The following CDH13 variants were observed in gnomAD, a reference collection of about 807,000 sequenced individuals.
CDH13 encodes cadherin 13.
Under a neutral mutation model 63.8 loss-of-function variants are expected in CDH13, and 24 were observed. The observed-to-expected ratio is 0.38, with a 90% CI of 0.27 to 0.53. The LOEUF is 0.53. Among genes scored for constraint, CDH13 ranks in the 20% least tolerant of loss-of-function variants. The pLI is 0.85. For synonymous variants in CDH13, 503 were observed against 355.3 expected (o/e 1.42, Z -4.67); for missense variants, 1,049 against 903.1 (o/e 1.16, Z -2.07).
chr16:82,948,684 G>C (rs1312622166), intron 2 of CDH13, among the ~76,000 whole-genome samples: 1 of 152,112 alleles, frequency 6.6e-6, no homozygotes, highest in Non-Finnish European at 1.5e-5. Context: ...CTTTCAAAAT[G>C]TTGTCTAGAA....
intron 11 of CDH13, among the ~76,000 whole-genome samples, chr16:83,756,937 C>T (rs1383995381): frequency 6.6e-6 from 1 of 152,212 alleles, no homozygotes; most frequent in African/African-American, 2.4e-5. Flanking sequence ...ATTTCATCAA[C>T]TAACATATAT....
chr16:83,486,717 A>T, intron 7 of CDH13, 62 bp downstream of exon 7: 1 of 1,481,912 alleles, frequency 6.7e-7, no homozygotes, highest in Non-Finnish European at 9.4e-7. Flanking sequence ...CATGCAAGGG[A>T]TGATGTGGGG....
intron 2 of CDH13, among the ~76,000 whole-genome samples, chr16:83,005,496 C>A (rs1392110755): frequency 1.3e-5 from 2 of 152,208 alleles, no homozygotes; most frequent in South Asian, 4.1e-4. Context: ...CACCAACAAC[C>A]TCAGGCCTTC....
At chr16:83,406,794 T>C (rs1397416960) in intron 6 of CDH13, among the ~76,000 whole-genome samples, 1 of 152,202 alleles carries the variant, frequency 6.6e-6, no homozygotes, top group Non-Finnish European at 1.5e-5. Context: ...CTGAGGATTC[T>C]GTAACAAGCC....
chr16:83,726,044 C>G (rs1910344742), intron 10 of CDH13: 2 of 152,190 alleles, frequency 1.3e-5, no homozygotes, highest in South Asian at 4.1e-4. Context: ...TAATGATTGT[C>G]TTTTCACTTT....
intron 1 of CDH13, among the ~76,000 whole-genome samples, chr16:82,765,485 G>T (rs8054331): frequency 6.6e-6 from 1 of 152,014 alleles, no homozygotes; most frequent in Admixed American, 6.6e-5. Context: ...CTGAAAATCC[G>T]CTGACAGCTC....
chr16:83,552,526 G>A (rs140318869), intron 7 of CDH13, among the ~76,000 whole-genome samples: 15 of 152,222 alleles, frequency 9.9e-5, no homozygotes, highest in East Asian at 3.9e-4. Context: ...TGTTGATACC[G>A]CAGAATATAG....
At chr16:82,638,699 A>C (rs1908993961) in intron 1 of CDH13, among the ~76,000 whole-genome samples, 2 of 152,118 alleles carry the variant, frequency 1.3e-5, no homozygotes, top group Non-Finnish European at 2.9e-5. Flanking sequence ...CCATATTAGT[A>C]GGTCCCCCAA....
At position 83,798,049 on chromosome 16, in the gene CDH13, G is replaced by A. The variant is rs375021827; in HGVS notation, c.*3019G>A. 1.3e-5 allele frequency: 2 copies of A among 152,312 alleles called. No homozygotes were observed. The highest frequency in any genetic ancestry group is 4.8e-5 in the African/African-American group (2 of 41,568). 9.4% of individuals were successfully genotyped at this position (152,312 alleles called of 1,614,324 possible). A position where few individuals can be genotyped will look rare whatever the true frequency, so the allele number is the denominator to read the frequency against. On this transcript the variant is annotated 3_prime_UTR_variant, in exon 14 of 14. Transcript: ENST00000567109. ...CATTATAACGAAATAAATCCAGCCA[G>A]ATTTCATGGTAGGTATCAAATAAGA...
At chr16:83,015,390 T>G (rs943078368) in intron 2 of CDH13, among the ~76,000 whole-genome samples, 1 of 151,760 alleles carries the variant, frequency 6.6e-6, no homozygotes, top group Non-Finnish European at 1.5e-5. Flanking sequence ...GTTCCTTGGT[T>G]ATTTTGAAAA....
intron 6 of CDH13, among the ~76,000 whole-genome samples, chr16:83,435,396 A>C (rs1208559895): frequency 6.6e-6 from 1 of 152,076 alleles, no homozygotes; most frequent in African/African-American, 2.4e-5. Context: ...TTTTCCAAAC[A>C]CTGCAATCGT....
intron 5 of CDH13, among the ~76,000 whole-genome samples, chr16:83,272,768 G>A (rs1004548742): frequency 6.6e-6 from 1 of 152,178 alleles, no homozygotes; most frequent in African/African-American, 2.4e-5. Flanking sequence ...TGGAGGAAAG[G>A]CAGAGCTGTG....
At chr16:82,710,552 A>AAAAAATATATAT (rs60196638) in intron 1 of CDH13, among the ~76,000 whole-genome samples, 4 of 63,768 alleles carry the variant, frequency 6.3e-5, no homozygotes, top group Admixed American at 2.7e-4. Context: ...AAAAAAAAAA[A>AAAAAATATATAT]ATATATATAT....
intron 6 of CDH13, among the ~76,000 whole-genome samples, chr16:83,485,735 T>C (rs1396974799): frequency 1.3e-5 from 2 of 152,188 alleles, no homozygotes; most frequent in African/African-American, 2.4e-5. Context: ...TTGTTTGTTA[T>C]ATATTTATCT....
At chr16:82,683,086 G>C (rs1362931165) in intron 1 of CDH13, among the ~76,000 whole-genome samples, 1 of 152,136 alleles carries the variant, frequency 6.6e-6, no homozygotes, top group Non-Finnish European at 1.5e-5. Context: ...TAAAACTAGG[G>C]GTTGTAATAG....
At chr16:82,970,150 C>G (rs536833115) in intron 2 of CDH13, among the ~76,000 whole-genome samples, 20 of 152,000 alleles carry the variant, frequency 1.3e-4, no homozygotes, top group Admixed American at 1.2e-3. Context: ...TATCGTTCAC[C>G]TCCCACTCAG....
At chr16:82,793,109 G>T (rs16958669) in intron 1 of CDH13, among the ~76,000 whole-genome samples, 2 of 152,206 alleles carry the variant, frequency 1.3e-5, no homozygotes, top group Admixed American at 1.3e-4. Flanking sequence ...CATTTCAGGG[G>T]CGACTAAACA....
intron 4 of CDH13, among the ~76,000 whole-genome samples, chr16:83,210,915 C>G (rs142013607): frequency 6.6e-6 from 1 of 151,154 alleles, no homozygotes; most frequent in South Asian, 2.1e-4. Flanking sequence ...TTTGGGAGGC[C>G]GAGGCAGGCA....
intron 10 of CDH13, among the ~76,000 whole-genome samples, chr16:83,737,018 C>G (rs1447257276): frequency 6.6e-6 from 1 of 152,124 alleles, no homozygotes; most frequent in African/African-American, 2.4e-5. Flanking sequence ...GTGGGGCTCA[C>G]ACACAAAGGA....
Sources: allele counts gnomAD v4.1 joint callset (sites outside exome capture counted in the v4.1 genomes callset), GRCh38; gene constraint gnomAD v4.1.1; transcripts MANE v1.5; gene names NCBI Gene and HGNC (gene_info 2026-07-23, HGNC 2026-07-21).